EIF4G3: variants seen among roughly 807,000 people sequenced by gnomAD.
The protein encoded by EIF4G3 is eIF-4-gamma 3.
Under a neutral mutation model 186.4 loss-of-function variants are expected in EIF4G3, and 34 were observed. That is an observed-to-expected ratio of 0.18 (90% CI 0.14 to 0.24). The LOEUF (loss-of-function observed/expected upper bound fraction) is 0.24. Ranked by LOEUF, EIF4G3 falls within the 10% of genes least tolerant of loss-of-function variation. The pLI is 1.00. For missense variants in EIF4G3, 1,536 were observed against 1,948.5 expected (o/e 0.79, Z 3.99); for synonymous variants, 673 against 679.5 (o/e 0.99, Z 0.15).
chr1:21,176,428 C>T, intron 1 of EIF4G3, 70 bp from the exon 2 acceptor site: 1 of 196,886 alleles, frequency 5.1e-6, no homozygotes. Flanking sequence ...CAGAGCGGGA[C>T]CGGGCGCGCC....
intron 12 of EIF4G3, 98 bp from the exon 13 acceptor site, chr1:20,950,209 G>C (rs193097595): frequency 4.1e-6 from 3 of 739,226 alleles, no homozygotes; most frequent in Admixed American, 3.7e-5. Context: ...TAGAGCACAG[G>C]AGATCACAAA....
intron 36 of EIF4G3, among the ~76,000 whole-genome samples, chr1:20,808,997 G>A (rs980267100): frequency 6.6e-6 from 1 of 151,296 alleles, no homozygotes; most frequent in African/African-American, 2.4e-5. Flanking sequence ...TTTTTAAATG[G>A]AGTTTTGCTC....
At chr1:21,068,391 A>AAAAAAAAAAAAAAAAAAAAAAAAAAC (rs1319008942) in intron 3 of EIF4G3, among the ~76,000 whole-genome samples, 1 of 149,094 alleles carries the variant, frequency 6.7e-6, no homozygotes, top group Non-Finnish European at 1.5e-5. Flanking sequence ...AAAAAAAAAA[A>AAAAAAAAAAAAAAAAAAAAAAAAAAC]AAAAAAAAAC....
intron 3 of EIF4G3, among the ~76,000 whole-genome samples, chr1:21,072,086 T>C (rs369395063): frequency 6.6e-6 from 1 of 152,234 alleles, no homozygotes; most frequent in Non-Finnish European, 1.5e-5. Context: ...TGGATAATTA[T>C]ACTACAAGTC....
chr1:21,090,526 G>A (rs950913350), intron 2 of EIF4G3, among the ~76,000 whole-genome samples: 1 of 152,216 alleles, frequency 6.6e-6, no homozygotes, highest in African/African-American at 2.4e-5. Flanking sequence ...CATGAAGGAT[G>A]AACTCTCTTC....
chr1:20,892,631 G>T, intron 18 of EIF4G3: 1 of 1,534,494 alleles, frequency 6.5e-7, no homozygotes, highest in Non-Finnish European at 8.7e-7. Flanking sequence ...CTAGAGGCAG[G>T]CTCTTCATGG....
intron 2 of EIF4G3, among the ~76,000 whole-genome samples, chr1:21,127,236 C>G (rs2097062823): frequency 6.6e-6 from 1 of 152,160 alleles, no homozygotes; most frequent in South Asian, 2.1e-4. Context: ...CAATCCTCCC[C>G]AAAGTGCTGG....
rs2059034500 is a variant in EIF4G3 at position 20,810,526 on chromosome 1, G to C, written c.4744+212C>G. 6.6e-6 allele frequency among the ~76,000 whole-genome samples: 1 copy of C among 152,210 alleles called. No homozygotes were observed. Among genetic ancestry groups the C allele is most frequent in the African/African-American group, 2.4e-5 (1 of 41,448 alleles). ...TGGTCTTGAACTCTTGACCTCAAGTGATCTGCCTGCCGTGGCCTCCCAAAG... is the reference window on the plus strand; with the variant it reads ...TGGTCTTGAACTCTTGACCTCAAGTCATCTGCCTGCCGTGGCCTCCCAAAG... On this transcript the variant is annotated intron_variant, in intron 36 of 36. Transcript: ENST00000602326. The surrounding 1 kb of genome is among the most constrained non-coding windows in gnomAD (Gnocchi z 4.1).
At chr1:21,027,104 T>C (rs1481773681) in intron 4 of EIF4G3, among the ~76,000 whole-genome samples, 1 of 151,560 alleles carries the variant, frequency 6.6e-6, no homozygotes, top group Non-Finnish European at 1.5e-5. Flanking sequence ...ATGCTAATCC[T>C]AAGGAAATAC....
intron 2 of EIF4G3, among the ~76,000 whole-genome samples, chr1:21,141,535 T>C (rs1447423355): frequency 1.3e-5 from 2 of 149,390 alleles, no homozygotes; most frequent in African/African-American, 2.4e-5. Context: ...CACTACAGTA[T>C]GTTTTCTATT....
At chr1:20,945,394 T>C (rs531903304) in intron 13 of EIF4G3, among the ~76,000 whole-genome samples, 3 of 152,352 alleles carry the variant, frequency 2.0e-5, no homozygotes, top group East Asian at 3.9e-4. Context: ...TATAATGGCA[T>C]ACTATGCAAT....
At chr1:20,896,772 A>T (rs1408307413) in intron 16 of EIF4G3, among the ~76,000 whole-genome samples, 1 of 152,176 alleles carries the variant, frequency 6.6e-6, no homozygotes, top group African/African-American at 2.4e-5. Context: ...GTACCATTTT[A>T]AATCTTTTAT....
intron 2 of EIF4G3, among the ~76,000 whole-genome samples, chr1:21,131,239 C>CAAAAAAAAAA: frequency 8.8e-6 from 1 of 114,136 alleles, no homozygotes; most frequent in Non-Finnish European, 1.7e-5. Context: ...GATTCTGCCT[C>CAAAAAAAAAA]AAAAAAAAAA....
intron 2 of EIF4G3, among the ~76,000 whole-genome samples, chr1:21,172,091 T>C (rs1283988392): frequency 7.1e-6 from 1 of 141,382 alleles, no homozygotes; most frequent in Non-Finnish European, 1.5e-5. Context: ...TGTGTTTGAC[T>C]GTCACTTTCT....
At chr1:21,119,244 T>A (rs1360399295) in intron 2 of EIF4G3, among the ~76,000 whole-genome samples, 1 of 151,982 alleles carries the variant, frequency 6.6e-6, no homozygotes, top group East Asian at 1.9e-4. Flanking sequence ...GAAATGGGTA[T>A]GAAATGCTTA....
chr1:20,910,829 C>G (rs1005249587), intron 14 of EIF4G3, among the ~76,000 whole-genome samples: 4 of 152,070 alleles, frequency 2.6e-5, no homozygotes, highest in Non-Finnish European at 4.4e-5. Flanking sequence ...AAAATTATAC[C>G]TACACTTCAT....
chr1:20,862,121 C>T (rs1378043776), intron 23 of EIF4G3, 107 bp downstream of exon 23: 1 of 644,028 alleles, frequency 1.6e-6, no homozygotes, highest in Non-Finnish European at 2.5e-6. Flanking sequence ...AGTCCTGAAG[C>T]AAAAGCACTA....
intron 2 of EIF4G3, among the ~76,000 whole-genome samples, chr1:21,169,443 C>G (rs1019360805): frequency 2.0e-5 from 3 of 152,016 alleles, no homozygotes; most frequent in African/African-American, 4.8e-5. Flanking sequence ...GCAACACTCT[C>G]TCCCCCCAAA....
At chr1:20,846,853 T>C (rs2071248190) in intron 29 of EIF4G3, among the ~76,000 whole-genome samples, 1 of 152,216 alleles carries the variant, frequency 6.6e-6, no homozygotes, top group African/African-American at 2.4e-5. Flanking sequence ...TTTTTAGAGT[T>C]ACCGTGAGGA....
Sources: gnomAD v4.1 joint callset for allele counts (sites outside exome capture counted in the v4.1 genomes callset) on GRCh38, gnomAD v4.1.1 for gene constraint, Gnocchi (gnomAD v3.1) non-coding constraint, MANE v1.5 for transcripts, NCBI Gene and HGNC (gene_info 2026-07-23, HGNC 2026-07-21) for gene names.